EDIL3: variants seen among roughly 807,000 people sequenced by gnomAD.
The protein encoded by EDIL3 is EGF like and discoidin domains 3, also known as EGF-like repeat and discoidin I-like domain-containing protein 3.
Under a neutral mutation model 67.4 loss-of-function variants are expected in EDIL3, and 37 were observed. The observed-to-expected ratio is 0.55, with a 90% confidence interval of 0.42 to 0.72. EDIL3 has a LOEUF of 0.72. EDIL3 is among the 30% of genes least tolerant of loss of function. The probability of loss-of-function intolerance (pLI) is 0.00; values close to 1 mark genes in which losing one functional copy is unlikely to be tolerated. For missense variants in EDIL3, 527 were observed against 586.3 expected (o/e 0.90, Z 1.04); for synonymous variants, 195 against 196.3 (o/e 0.99, Z 0.05).
At chr5:84,048,188 G>A (rs1746259066) in intron 9 of EDIL3, 5 of 405,194 alleles carry the variant, frequency 1.2e-5, no homozygotes, top group South Asian at 9.0e-5. Flanking sequence ...ACTGTGATTT[G>A]GAAATCAGAA....
intron 3 of EDIL3, among the ~76,000 whole-genome samples, chr5:84,188,536 A>G (rs1014897334): frequency 1.3e-5 from 2 of 151,938 alleles, no homozygotes; most frequent in Non-Finnish European, 2.9e-5. Flanking sequence ...TTATGCACAA[A>G]GGCCCTATGA....
intron 10 of EDIL3, among the ~76,000 whole-genome samples, chr5:83,958,799 A>G (rs1301282603): frequency 6.6e-6 from 1 of 151,458 alleles, no homozygotes; most frequent in Non-Finnish European, 1.5e-5. Context: ...TGCAGTAAAA[A>G]ACAGCTCCAA....
intron 1 of EDIL3, among the ~76,000 whole-genome samples, chr5:84,381,071 T>G (rs1310354015): frequency 6.6e-6 from 1 of 152,140 alleles, no homozygotes; most frequent in Admixed American, 6.5e-5. Context: ...CTTTTGAAGA[T>G]TTTTGCAACT....
At chr5:84,125,476 G>A (rs564848172) in intron 5 of EDIL3, among the ~76,000 whole-genome samples, 10 of 152,100 alleles carry the variant, frequency 6.6e-5, no homozygotes, top group South Asian at 2.1e-4. Flanking sequence ...CAATGATAGC[G>A]TCATATATGT....
intron 6 of EDIL3, among the ~76,000 whole-genome samples, chr5:84,069,524 C>A (rs1427519120): frequency 2.0e-5 from 3 of 151,934 alleles, no homozygotes; most frequent in African/African-American, 7.3e-5. Context: ...ACCTAGAAAG[C>A]ACTTAGAACA....
chr5:84,128,291 T>G (rs1315089790), intron 5 of EDIL3, among the ~76,000 whole-genome samples: 1 of 152,252 alleles, frequency 6.6e-6, no homozygotes, highest in South Asian at 2.1e-4. Context: ...ATCTATATTC[T>G]TTCTTCTCTT....
In EDIL3 at chr5:84,013,522, G is replaced by A. The variant is rs542006047; in HGVS notation, c.1137+46778C>T. On this transcript the variant is annotated intron_variant, in intron 9 of 10. Transcript: ENST00000296591. ...GATTCCTCCTTTGTGAGTGATGTTTGTTAATATATTAAATGAAGTCATTTC... is the reference window on the plus strand; with the variant it reads ...GATTCCTCCTTTGTGAGTGATGTTTATTAATATATTAAATGAAGTCATTTC... 3.9e-5 allele frequency among the ~76,000 whole-genome samples: 6 copies of A among 152,232 alleles called. No homozygotes were observed. The East Asian group carries it at 1.2e-3, about 29-fold the overall frequency.
chr5:84,335,724 G>A (rs991858688), intron 1 of EDIL3, among the ~76,000 whole-genome samples: 1 of 152,154 alleles, frequency 6.6e-6, no homozygotes, highest in African/African-American at 2.4e-5. Context: ...TGAAGAAAAG[G>A]TAGAGGGGTT....
At chr5:84,351,527 A>G (rs1471231924) in intron 1 of EDIL3, among the ~76,000 whole-genome samples, 1 of 152,138 alleles carries the variant, frequency 6.6e-6, no homozygotes, top group African/African-American at 2.4e-5. Flanking sequence ...TGAGAAAGTC[A>G]CTGAAGTTCT....
At chr5:84,242,123 T>G (rs931261085) in intron 2 of EDIL3, among the ~76,000 whole-genome samples, 1 of 149,608 alleles carries the variant, frequency 6.7e-6, no homozygotes, top group African/African-American at 2.5e-5. Context: ...TCCCAGCTAC[T>G]CGGGAGGCTG....
chr5:84,341,791 A>C (rs974497986), intron 1 of EDIL3, among the ~76,000 whole-genome samples: 1 of 152,082 alleles, frequency 6.6e-6, no homozygotes, highest in Non-Finnish European at 1.5e-5. Context: ...GTCAAATTTC[A>C]TATCAAAAAC....
At chr5:84,380,304 GAAT>G (rs1451320268) in intron 1 of EDIL3, among the ~76,000 whole-genome samples, 1 of 151,884 alleles carries the variant, frequency 6.6e-6, no homozygotes, top group Admixed American at 6.6e-5. Context: ...GAGAAGAACT[GAAT>G]AATAGGAATG....
At chr5:84,364,989 C>T (rs1211530864) in intron 1 of EDIL3, among the ~76,000 whole-genome samples, 1 of 149,630 alleles carries the variant, frequency 6.7e-6, no homozygotes, top group African/African-American at 2.5e-5. Flanking sequence ...ACTTAAATAT[C>T]TTCTCTAATG....
At chr5:83,947,260 A>T (rs2112113035) in intron 10 of EDIL3, among the ~76,000 whole-genome samples, 1 of 151,906 alleles carries the variant, frequency 6.6e-6, no homozygotes, top group South Asian at 2.1e-4. Flanking sequence ...CAAGCATACC[A>T]CTGGCCTTAC....
At chr5:84,205,786 A>G (rs1358770750) in intron 3 of EDIL3, among the ~76,000 whole-genome samples, 10 of 152,218 alleles carry the variant, frequency 6.6e-5, no homozygotes, top group African/African-American at 2.4e-4. Flanking sequence ...TATTGCGTCA[A>G]TTTGATTCTT....
At position 83,942,847 on chromosome 5, in the gene EDIL3, T is replaced by C. The variant is rs1313836145; in HGVS notation, c.*572A>G. 1 of 152,648 alleles carries C rather than the reference T, an allele frequency of 6.6e-6. No homozygotes were observed. The highest frequency in any genetic ancestry group is 1.5e-5 in the Non-Finnish European group (1 of 68,158). 9.5% of individuals were successfully genotyped at this position (152,648 alleles called of 1,614,324 possible). ...AAAAAGAAGTCACATAATCTCTTATTAGAAATAATGAAAGTAAAATGAGAA... is the reference window on the plus strand; with the variant it reads ...AAAAAGAAGTCACATAATCTCTTATCAGAAATAATGAAAGTAAAATGAGAA... On this transcript the variant is annotated 3_prime_UTR_variant, in exon 11 of 11. Transcript: ENST00000296591.
intron 6 of EDIL3, among the ~76,000 whole-genome samples, chr5:84,105,861 T>G (rs990158397): frequency 6.6e-6 from 1 of 152,016 alleles, no homozygotes; most frequent in African/African-American, 2.4e-5. Context: ...CTGCCCCAGG[T>G]GAGTTTCTCA....
At chr5:83,951,495 GA>G (rs1209195003) in intron 10 of EDIL3, among the ~76,000 whole-genome samples, 7 of 148,986 alleles carry the variant, frequency 4.7e-5, no homozygotes, top group Non-Finnish European at 1.0e-4. Context: ...CCTTCTGTTA[GA>G]TTTTTTTTTT....
At chr5:84,215,305 G>A (rs1206262567) in intron 3 of EDIL3, among the ~76,000 whole-genome samples, 3 of 151,892 alleles carry the variant, frequency 2.0e-5, no homozygotes, top group African/African-American at 7.3e-5. Context: ...CCAGGCTGGA[G>A]TGCAGTGGCA....
Sources: allele counts gnomAD v4.1 joint callset (sites outside exome capture counted in the v4.1 genomes callset), GRCh38; gene constraint gnomAD v4.1.1; transcripts MANE v1.5; gene names NCBI Gene and HGNC (gene_info 2026-07-23, HGNC 2026-07-21).